The following OR8D1 variants were observed in gnomAD, a reference collection of about 807,000 sequenced individuals.
OR8D1 encodes olfactory receptor family 8 subfamily D member 1.
For synonymous variants in OR8D1, 143 were observed against 147.0 expected, an observed-to-expected ratio of 0.97 and a Z score of 0.20; for missense variants, 384 against 366.8, an observed-to-expected ratio of 1.05 and a Z score of -0.38.
intron 1 of OR8D1, among the ~76,000 whole-genome samples, chr11:124,311,945 A>G (rs1565331999): frequency 2.6e-5 from 4 of 152,206 alleles, no homozygotes; most frequent in Admixed American, 2.0e-4. Context: ...TAGTCTACTC[A>G]GCAATGAATG....
rs1481670837 is a variant in OR8D1 at position 124,307,666 on chromosome 11, T to A, written c.*2174A>T. 3.3e-5 allele frequency: 5 copies of A among 152,068 alleles called. No individual in the cohort carries two copies. The highest frequency in any genetic ancestry group is 7.4e-5 in the Non-Finnish European group (5 of 68,000). 9.4% of individuals were successfully genotyped at this position (152,068 alleles called of 1,614,324 possible). Reference sequence around the variant, plus strand: ...TTAAAATTGAACACAAAGGGGAAGCTTTTTTCAAGAAAGTCATGATATGAT... The same window carrying A: ...TTAAAATTGAACACAAAGGGGAAGCATTTTTCAAGAAAGTCATGATATGAT... On this transcript the variant is annotated 3_prime_UTR_variant, in exon 3 of 3. Coordinates refer to ENST00000641015, the MANE Select transcript of OR8D1 (RefSeq NM_001002917.2).
intron 1 of OR8D1, among the ~76,000 whole-genome samples, chr11:124,312,703 A>G (rs913652067): frequency 6.6e-6 from 1 of 151,450 alleles, no homozygotes; most frequent in African/African-American, 2.4e-5. Context: ...TTTTTAGTAA[A>G]GACAAGGTTT....
Position 124,305,842 on chromosome 11 carries a change from A to T in OR8D1, c.*3998T>A, listed in dbSNP as rs1268552567. On this transcript the variant is annotated 3_prime_UTR_variant, in exon 3 of 3. Transcript: ENST00000641015. ...TTTTATGCTACACACTTCTTTCAAT[A>T]TGAAAAGAAAGAATGTCTGTTAAAG... 6.6e-6 allele frequency: 1 copy of T among 151,940 alleles called. No individual in the cohort carries two copies. The highest frequency in any genetic ancestry group is 1.5e-5 in the Non-Finnish European group (1 of 67,894). The allele number at this position is 151,940 out of a possible 1,614,324, so 9.4% of individuals were successfully genotyped here.
chr11:124,304,405 A>ATTTCCTTC lies in OR8D1; in HGVS notation c.*5434_*5435insGAAGGAAA, dbSNP rs1862350031. The ATTTCCTTC allele has an allele frequency of 1.3e-5, 2 of 151,924 alleles. No homozygotes were observed. The highest frequency in any genetic ancestry group is 2.4e-5 in the African/African-American group (1 of 41,416). 9.4% of individuals were successfully genotyped at this position (151,924 alleles called of 1,614,324 possible). ...TTTTATTACTAAGTGGTGTTCCATT[A>ATTTCCTTC]TACATATATTCCATAATTTCCTTCT... On this transcript the variant is annotated 3_prime_UTR_variant, in exon 3 of 3. Coordinates refer to ENST00000641015, the MANE Select transcript of OR8D1 (RefSeq NM_001002917.2).
rs968774726 is a variant in OR8D1, at chr11:124,306,886, G to A, written c.*2954C>T. 1.4e-4 allele frequency: 22 copies of A among 152,106 alleles called. No individual in the cohort carries two copies. The highest frequency in any genetic ancestry group is 3.4e-3 in the Middle Eastern group (1 of 294). The allele number at this position is 152,106 out of a possible 1,614,324, so 9.4% of individuals were successfully genotyped here. A position where few individuals can be genotyped will look rare whatever the true frequency, so the allele number is the denominator to read the frequency against. The stretch of plus-strand genomic sequence containing the variant: ...ACCTTTACTCACTTTCCCCAGGAAG[G>A]TGGGATGACTTTTCTGATGATTAGT... On this transcript the variant is annotated 3_prime_UTR_variant, in exon 3 of 3. Transcript: ENST00000641015.
chr11:124,310,828 G>C, intron 2 of OR8D1, 46 bp from the exon 3 acceptor site: 4 of 1,335,346 alleles, frequency 3.0e-6, no homozygotes, highest in South Asian at 1.3e-5. Context: ...GACCCTCACT[G>C]CTCTTCCAAA....
rs1862342385 is a variant in OR8D1, at chr11:124,303,559, T to C, written c.*6281A>G. On this transcript the variant is annotated 3_prime_UTR_variant, in exon 3 of 3. Transcript: ENST00000641015. ...TTTGCTTATTAATTTGTGGGGCTTT[T>C]AAAATTATAGATATCAATTATTTTG... is the stretch of plus-strand genomic sequence containing the variant. 6.6e-6 allele frequency: 1 copy of C among 152,120 alleles called. No individual in the cohort carries two copies. The highest frequency in any genetic ancestry group is 2.4e-5 in the African/African-American group (1 of 41,448). 9.4% of individuals were successfully genotyped at this position (152,120 alleles called of 1,614,324 possible). A position where few individuals can be genotyped will look rare whatever the true frequency, so the allele number is the denominator to read the frequency against.
chr11:124,308,486 A>G lies in OR8D1; in HGVS notation c.*1354T>C, dbSNP rs976743840. On this transcript the variant is annotated 3_prime_UTR_variant, in exon 3 of 3. Coordinates refer to ENST00000641015, the MANE Select transcript of OR8D1 (RefSeq NM_001002917.2). Reference sequence around the variant, plus strand: ...AGGGGAAGGTGAGCAAGGCCACGGTAAATGTTTAGGACCTGGTTCAACAAA... The same window carrying G: ...AGGGGAAGGTGAGCAAGGCCACGGTGAATGTTTAGGACCTGGTTCAACAAA... 6.6e-6 allele frequency: 1 copy of G among 152,086 alleles called. No individual in the cohort carries two copies. The highest frequency in any genetic ancestry group is 2.4e-5 in the African/African-American group (1 of 41,438). 9.4% of individuals were successfully genotyped at this position (152,086 alleles called of 1,614,324 possible).
Position 124,303,150 on chromosome 11 carries a change from C to G in OR8D1, c.*6690G>C, listed in dbSNP as rs375123182. ...GGCTGGGGAAGCCTCAGGAAACTTA[C>G]AATCATAGCAGAAGGGAACGCAGGC... On this transcript the variant is annotated 3_prime_UTR_variant, in exon 3 of 3. Transcript: ENST00000641015. The G allele has an allele frequency of 6.6e-6, 1 of 152,486 alleles. No homozygotes were observed. The highest frequency in any genetic ancestry group is 2.1e-4 in the South Asian group (1 of 4,832). 9.4% of individuals were successfully genotyped at this position (152,486 alleles called of 1,614,324 possible). A position where few individuals can be genotyped will look rare whatever the true frequency, so the allele number is the denominator to read the frequency against.
rs1862410878 is a variant in OR8D1 at position 124,310,448 on chromosome 11, A to G, written c.319T>C (p.Phe107Leu). ...CMVQLFFFVV[F>L]VVAEGYLLTA... ...AGGAGGTAACCCTCAGCCACCACAA[A>G]GACCACAAAGAAAAAGAGCTGGACC... Residue 107 changes from phenylalanine (F) to leucine (L), a missense_variant, in exon 3 of 3, where the codon TTT becomes CTT. Physicochemically the swap from Phe to Leu is conservative, Grantham distance 22. Transcript: ENST00000641015. The G allele has an allele frequency of 3.1e-6, 5 of 1,613,554 alleles. No individual in the cohort carries two copies. The highest frequency in any genetic ancestry group is 3.4e-6 in the Non-Finnish European group (4 of 1,179,838).
Position 124,309,923 on chromosome 11 carries a change from TCACC to T in OR8D1, c.840_843del (p.Val281SerfsTer4). 1 of 1,529,668 alleles carries T rather than the reference TCACC, an allele frequency of 6.5e-7. No individual in the cohort carries two copies. The highest frequency in any genetic ancestry group is 8.8e-7 in the Non-Finnish European group (1 of 1,141,770). 94.8% of individuals were successfully genotyped at this position (1,529,668 alleles called of 1,614,324 possible). On this transcript the variant is annotated frameshift_variant, in exon 3 of 3. Transcript: ENST00000641015. LOFTEE classifies it low-confidence loss of function (END_TRUNC). ...TATATTAAAGGGTTCAGCATGGGGA[TCACC>T]GTGGTGTAGAACACAGAGGACACCT...
chr11:124,310,037 GA>G lies in OR8D1; in HGVS notation c.729del (p.His244IlefsTer6), dbSNP rs751283569. On this transcript the variant is annotated frameshift_variant, in exon 3 of 3. Transcript: ENST00000641015. LOFTEE classifies it low-confidence loss of function (END_TRUNC). Reference sequence around the variant, plus strand: ...AAGAAGATCACCACAGCCATGAGATGAGAGCTGCATGTTCCAAAAGCTTTGG... The same window carrying G: ...AAGAAGATCACCACAGCCATGAGATGGAGCTGCATGTTCCAAAAGCTTTGG... ...GRSKAFGTCSSHLMAVVIFFG... is the reference protein window; with the variant it reads ...GRSKAFGTCSXHLMAVVIFFG... 5 of 1,611,162 alleles carry G rather than the reference GA, an allele frequency of 3.1e-6. No homozygotes were observed. The Admixed American group carries it at 8.4e-5, about 27-fold the overall frequency.
chr11:124,313,166 T>C (rs1376395237), intron 1 of OR8D1, among the ~76,000 whole-genome samples: 1 of 131,892 alleles, frequency 7.6e-6, no homozygotes, highest in Non-Finnish European at 1.5e-5. Flanking sequence ...AGAGCAAGAC[T>C]CCATCTCGAA....
rs1044100444 is a variant in OR8D1, at chr11:124,308,047, A to G, written c.*1793T>C. 6.6e-6 allele frequency: 1 copy of G among 152,184 alleles called. No homozygotes were observed. The highest frequency in any genetic ancestry group is 1.5e-5 in the Non-Finnish European group (1 of 68,020). The allele number at this position is 152,184 out of a possible 1,614,324, so 9.4% of individuals were successfully genotyped here. Reference sequence around the variant, plus strand: ...TCAATTGAATTATTGCAAAGCTAACAACTAAGAATACAGTTTTAAAATCTG... The same window carrying G: ...TCAATTGAATTATTGCAAAGCTAACGACTAAGAATACAGTTTTAAAATCTG... On this transcript the variant is annotated 3_prime_UTR_variant, in exon 3 of 3. Coordinates refer to ENST00000641015, the MANE Select transcript of OR8D1 (RefSeq NM_001002917.2).
In OR8D1 at chr11:124,309,853, A is replaced by G. The variant is rs376661366; in HGVS notation, c.914T>C (p.Leu305Ser). 11 of 1,453,496 alleles carry G rather than the reference A, an allele frequency of 7.6e-6. No individual in the cohort carries two copies. The highest frequency in any genetic ancestry group is 1.8e-4 in the Middle Eastern group (1 of 5,454). The allele number at this position is 1,453,496 out of a possible 1,614,324, so 90.0% of individuals were successfully genotyped here. A position where few individuals can be genotyped will look rare whatever the true frequency, so the allele number is the denominator to read the frequency against. ...CCAAATCAGGACTCATTTTCCTACT[A>G]AGACCTTCCTTAATGCTTTCTTCAC... ...KDVKKALRKVLVGK is the reference protein window; with the variant it reads ...KDVKKALRKVSVGK Residue 305 changes from leucine to serine, a missense_variant, in exon 3 of 3, where the codon TTA (leucine) becomes TCA (serine). By Grantham distance (145) the Leu-to-Ser change is moderately radical. Transcript: ENST00000641015.
Position 124,310,432 on chromosome 11 carries a change from C to A in OR8D1, c.335G>T (p.Gly112Val). The change falls in exon 3 of 3, where the codon GGT becomes GTT. Residue 112 changes from glycine to valine, a missense_variant. Coordinates refer to ENST00000641015, the MANE Select transcript of OR8D1 (RefSeq NM_001002917.2). ...ATATGCCATGGCAGTCAGGAGGTAA[C>A]CCTCAGCCACCACAAAGACCACAAA... is the stretch of plus-strand genomic sequence containing the variant. ...FFFVVFVVAE[G>V]YLLTAMAYDR... 6.2e-7 allele frequency: 1 copy of A among 1,613,410 alleles called. No individual in the cohort carries two copies. The highest frequency in any genetic ancestry group is 2.2e-5 in the East Asian group (1 of 44,680).
chr11:124,311,548 A>G (rs515403), intron 2 of OR8D1, 24 bp downstream of exon 2: 46,546 of 151,996 alleles, frequency 0.31, 7,096 homozygotes, highest in South Asian at 0.39. Context: ...GACTTACGAG[A>G]TCCGCACACC....
chr11:124,311,262 T>C (rs518119), intron 2 of OR8D1, among the ~76,000 whole-genome samples: 116,201 of 152,004 alleles, frequency 0.76, 45,541 homozygotes, highest in South Asian at 0.89. Context: ...ATGGTGGGCA[T>C]GGGGTTGGGT....
chr11:124,309,771 T>C lies in OR8D1; in HGVS notation c.*69A>G. On this transcript the variant is annotated 3_prime_UTR_variant, in exon 3 of 3. Coordinates refer to ENST00000641015, the MANE Select transcript of OR8D1 (RefSeq NM_001002917.2). Reference sequence around the variant, plus strand: ...ATGTTACAACAGAAGAACATGAAAATAGAAAAAAGGAATATATGTTCATTG... The same window carrying C: ...ATGTTACAACAGAAGAACATGAAAACAGAAAAAAGGAATATATGTTCATTG... The C allele has an allele frequency of 5.7e-6, 5 of 879,244 alleles. No individual in the cohort carries two copies. Among genetic ancestry groups the C allele is most frequent in the Non-Finnish European group, 8.2e-6 (5 of 611,042 alleles). The allele number at this position is 879,244 out of a possible 1,614,324, so 54.5% of individuals were successfully genotyped here.
Sources: allele counts gnomAD v4.1 joint callset (sites outside exome capture counted in the v4.1 genomes callset), GRCh38; gene constraint gnomAD v4.1.1; transcripts MANE v1.5; gene names NCBI Gene and HGNC (gene_info 2026-07-23, HGNC 2026-07-21).